DCAF13: variants seen among roughly 807,000 people sequenced by gnomAD.
DCAF13 encodes DDB1- and CUL4-associated factor 13.
In DCAF13, 38 loss-of-function variants were observed where a neutral mutation model predicts 59.0. That is an observed-to-expected ratio of 0.64 (90% CI 0.50 to 0.84). The LOEUF (loss-of-function observed/expected upper bound fraction) is 0.84, where lower values mean the gene tolerates loss of function less well. DCAF13 is among the 40% of genes least tolerant of loss of function. The pLI is 0.00. For synonymous variants in DCAF13, 173 were observed against 175.0 expected (o/e 0.99, Z 0.09); for missense variants, 469 against 558.4 (o/e 0.84, Z 1.61).
At chr8:103,436,546 A>G (rs957577301) in intron 8 of DCAF13, among the ~76,000 whole-genome samples, 3 of 152,172 alleles carry the variant, frequency 2.0e-5, no homozygotes, top group African/African-American at 7.2e-5. Context: ...TTTACTACAT[A>G]TTATATGTTA....
intron 8 of DCAF13, among the ~76,000 whole-genome samples, chr8:103,437,754 A>G (rs973974530): frequency 6.6e-6 from 1 of 152,128 alleles, no homozygotes. Context: ...TTTTCCTTTA[A>G]AAGACCTTAA....
chr8:103,415,461 G>A lies in DCAF13; in HGVS notation c.15G>A (p.Met5Ile). 3 of 1,614,000 alleles carry A rather than the reference G, an allele frequency of 1.9e-6. No individual in the cohort carries two copies. Residue 5 changes from methionine (M) to isoleucine (I), a missense_variant, in exon 1 of 11, where the codon ATG (methionine) becomes ATA (isoleucine). Physicochemically the swap from Met to Ile is conservative, Grantham distance 10 (BLOSUM62 1). Transcript: ENST00000612750. MKVK[M>I]LSRNPDNYVR... The stretch of plus-strand genomic sequence containing the variant: ...GAGCAACCGAGATGAAGGTGAAGAT[G>A]CTGAGCCGGAATCCGGACAATTATG...
chr8:103,435,008 C>G (rs1295175791), intron 7 of DCAF13, among the ~76,000 whole-genome samples: 2 of 151,894 alleles, frequency 1.3e-5, no homozygotes, highest in Non-Finnish European at 2.9e-5. Flanking sequence ...AGGAATCTGT[C>G]CAGATTTAAT....
Position 103,415,419 on chromosome 8 carries a change from G to T in DCAF13, c.-28G>T, listed in dbSNP as rs773486449. The T allele has an allele frequency of 2.5e-6, 4 of 1,614,026 alleles. No homozygotes were observed. The African/African-American group carries it at 5.3e-5, about 22-fold the overall frequency. Reference sequence around the variant, plus strand: ...GGGCGGAACTCCTAGCGGACACCTCGTGGAGTCCGGCCGGAAGAGCAACCG... The same window carrying T: ...GGGCGGAACTCCTAGCGGACACCTCTTGGAGTCCGGCCGGAAGAGCAACCG... On this transcript the variant is annotated 5_prime_UTR_variant, in exon 1 of 11. Coordinates refer to ENST00000612750, the MANE Select transcript of DCAF13 (RefSeq NM_015420.7).
intron 6 of DCAF13, among the ~76,000 whole-genome samples, chr8:103,431,787 G>T (rs1319921028): frequency 6.7e-6 from 1 of 148,524 alleles, no homozygotes; most frequent in Non-Finnish European, 1.5e-5. Flanking sequence ...CACTCATTCT[G>T]TTTTTTTTTT....
intron 8 of DCAF13, 99 bp from the exon 9 acceptor site, chr8:103,440,037 T>C: frequency 1.0e-6 from 1 of 984,102 alleles, no homozygotes; most frequent in Non-Finnish European, 1.4e-6. Context: ...TTTATACTCC[T>C]ATAGGACTCA....
chr8:103,421,105 A>C, intron 3 of DCAF13, 23 bp downstream of exon 3: 1 of 1,420,712 alleles, frequency 7.0e-7, no homozygotes, highest in Non-Finnish European at 1.0e-6. Flanking sequence ...CCATTAAGTC[A>C]TTAAATTTGA....
chr8:103,439,671 AG>A (rs35951748), intron 8 of DCAF13: 1 of 152,250 alleles, frequency 6.6e-6, no homozygotes, highest in Non-Finnish European at 1.5e-5. Flanking sequence ...TCAGCATATC[AG>A]GAGGTACTCT....
intron 8 of DCAF13, among the ~76,000 whole-genome samples, chr8:103,437,970 ATAG>A (rs1300857369): frequency 7.9e-5 from 12 of 152,162 alleles, no homozygotes; most frequent in Non-Finnish European, 1.5e-4. Flanking sequence ...TTATCTCCTA[ATAG>A]TAGAACTTTT....
chr8:103,436,696 T>G (rs1816938864), intron 8 of DCAF13, among the ~76,000 whole-genome samples: 1 of 152,192 alleles, frequency 6.6e-6, no homozygotes, highest in African/African-American at 2.4e-5. Context: ...CTTTAAAAAC[T>G]AAGTCCTGTA....
At chr8:103,434,569 T>C (rs1241261044) in intron 7 of DCAF13, among the ~76,000 whole-genome samples, 1 of 152,088 alleles carries the variant, frequency 6.6e-6, no homozygotes, top group East Asian at 1.9e-4. Context: ...GTTTCTCCAC[T>C]AAAGAGTTAC....
intron 8 of DCAF13, among the ~76,000 whole-genome samples, chr8:103,438,423 T>A (rs1350982811): frequency 6.8e-6 from 1 of 147,584 alleles, no homozygotes; most frequent in Non-Finnish European, 1.5e-5. Context: ...GTCGAGAGAT[T>A]TTTTTTTTTT....
At chr8:103,428,696 G>A (rs1043000381) in intron 5 of DCAF13, 20 of 151,496 alleles carry the variant, frequency 1.3e-4, no homozygotes, top group African/African-American at 4.6e-4. Context: ...AGATGGTGAC[G>A]GTATTACGTA....
chr8:103,432,413 A>G (rs927701000), intron 6 of DCAF13, among the ~76,000 whole-genome samples: 6 of 152,124 alleles, frequency 3.9e-5, no homozygotes, highest in Non-Finnish European at 8.8e-5. Context: ...AACTTTTATT[A>G]TGTGTCACAT....
intron 5 of DCAF13, chr8:103,428,848 A>G (rs998369302): frequency 6.6e-6 from 1 of 152,036 alleles, no homozygotes; most frequent in African/African-American, 2.4e-5. Flanking sequence ...ATTATTAGGG[A>G]TGACCTAGTG....
At chr8:103,420,655 A>G (rs1490549035) in intron 2 of DCAF13, 192 bp downstream of exon 2, 1 of 607,306 alleles carries the variant, frequency 1.6e-6, no homozygotes, top group South Asian at 2.2e-5. Context: ...TAGTTTAAGG[A>G]TCAATTTGAC....
At chr8:103,417,994 G>A (rs984943019) in intron 1 of DCAF13, among the ~76,000 whole-genome samples, 7 of 151,998 alleles carry the variant, frequency 4.6e-5, no homozygotes, top group African/African-American at 1.4e-4. Context: ...CGGGCATGGT[G>A]GCGGGTGCCT....
At chr8:103,426,033 C>T (rs768441410) in intron 3 of DCAF13, 23 bp from the exon 4 acceptor site, 4 of 1,545,954 alleles carry the variant, frequency 2.6e-6, no homozygotes, top group Non-Finnish European at 3.6e-6. Context: ...TTACCATCAT[C>T]ATAATAAAAC....
Position 103,430,678 on chromosome 8 carries a change from C to T in DCAF13, c.691C>T (p.Pro231Ser), listed in dbSNP as rs749835638. Residue 231 changes from proline to serine, a missense_variant, in exon 6 of 11, where the codon CCT (proline) becomes TCT (serine). By Grantham distance (74) the Pro-to-Ser change is moderately conservative. This residue lies in a region of DCAF13 where 355 missense variants were observed against 399.1 expected (regional missense o/e 0.89). Transcript: ENST00000612750. ...ACTGTACGATATGAGGCAAGCTACT[C>T]CTTTGAAAAAGGTGAGTTTCAGTTT... is the stretch of plus-strand genomic sequence containing the variant. ...IVLYDMRQAT[P>S]LKKVILDMRT... The T allele has an allele frequency of 1.1e-5, 18 of 1,607,968 alleles. 1 individual carries two copies. Among genetic ancestry groups the T allele is most frequent in the Non-Finnish European group, 1.5e-5 (18 of 1,177,068 alleles).
Sources: allele counts gnomAD v4.1 joint callset (sites outside exome capture counted in the v4.1 genomes callset), GRCh38; gene constraint gnomAD v4.1.1; regional missense constraint gnomAD v4.1.1; transcripts MANE v1.5; gene names NCBI Gene and HGNC (gene_info 2026-07-23, HGNC 2026-07-21).